The following FHIT variants were observed in gnomAD, a reference collection of about 807,000 sequenced individuals.
The protein encoded by FHIT is bis(5'-adenosyl)-triphosphatase.
Under a neutral mutation model 17.9 loss-of-function variants are expected in FHIT, and 19 were observed. The ratio of observed to expected loss-of-function variants is 1.06; its 90% CI spans 0.74 to 1.56. The LOEUF (loss-of-function observed/expected upper bound fraction) is 1.56, where lower values mean the gene tolerates loss of function less well. Ranked by LOEUF, FHIT falls within the 40% of genes most tolerant of loss-of-function variation. The probability of loss-of-function intolerance (pLI) is 0.00; values close to 1 mark genes in which losing one functional copy is unlikely to be tolerated. For synonymous variants in FHIT, 81 were observed against 69.7 expected (o/e 1.16, Z -0.81); for missense variants, 248 against 189.2 (o/e 1.31, Z -1.82).
At chr3:60,732,035 C>A in intron 4 of FHIT, 1 of 451,516 alleles carries the variant, frequency 2.2e-6, no homozygotes, top group South Asian at 2.7e-5. Context: ...AAGGGAATTG[C>A]AGCGACAATA....
chr3:61,205,675 G>A (rs946362564), intron 1 of FHIT, among the ~76,000 whole-genome samples: 2 of 150,986 alleles, frequency 1.3e-5, no homozygotes, highest in Non-Finnish European at 3.0e-5. Context: ...GGTTGTTTTT[G>A]TCTTGTAAAT....
chr3:60,013,266 G>T (rs2106693550), intron 6 of FHIT, among the ~76,000 whole-genome samples: 1 of 152,280 alleles, frequency 6.6e-6, no homozygotes, highest in South Asian at 2.1e-4. Flanking sequence ...TGAGTACAGA[G>T]TCCTCACATT....
intron 4 of FHIT, among the ~76,000 whole-genome samples, chr3:60,772,963 T>C (rs565752346): frequency 6.6e-6 from 1 of 152,292 alleles, no homozygotes; most frequent in African/African-American, 2.4e-5. Context: ...TAGCCATCCC[T>C]ACGCCTTCGC....
chr3:60,177,634 C>T (rs1166631384), intron 5 of FHIT, among the ~76,000 whole-genome samples: 1 of 152,154 alleles, frequency 6.6e-6, no homozygotes, highest in Non-Finnish European at 1.5e-5. Context: ...TTGTTTTGCA[C>T]TCTGAGATTA....
chr3:60,336,089 T>C (rs1369895863), intron 5 of FHIT, among the ~76,000 whole-genome samples: 1 of 152,158 alleles, frequency 6.6e-6, no homozygotes, highest in Non-Finnish European at 1.5e-5. Flanking sequence ...AGTATTAGCA[T>C]TCAATCATGA....
chr3:61,222,394 A>G (rs2039862990), intron 1 of FHIT, among the ~76,000 whole-genome samples: 2 of 152,186 alleles, frequency 1.3e-5, no homozygotes, highest in African/African-American at 2.4e-5. Flanking sequence ...GCAAGTATTC[A>G]ACAAAATATT....
At chr3:60,480,937 AGTGGGGACTCTGT>A (rs1275635841) in intron 5 of FHIT, among the ~76,000 whole-genome samples, 1 of 152,228 alleles carries the variant, frequency 6.6e-6, no homozygotes, top group South Asian at 2.1e-4. Flanking sequence ...GCAGTGCCCC[AGTGGGGACTCTGT>A]GTGGGGACTC....
intron 5 of FHIT, among the ~76,000 whole-genome samples, chr3:60,432,030 C>T (rs1702928562): frequency 6.6e-6 from 1 of 152,094 alleles, no homozygotes; most frequent in South Asian, 2.1e-4. Context: ...GGCTAGAGTG[C>T]AGTAGCGCAA....
intron 4 of FHIT, among the ~76,000 whole-genome samples, chr3:60,616,643 G>A (rs549073936): frequency 2.5e-4 from 38 of 152,142 alleles, no homozygotes; most frequent in African/African-American, 7.5e-4. Context: ...TCTATATAAG[G>A]AAAACTATAA....
At chr3:60,178,132 T>C (rs1289761217) in intron 5 of FHIT, among the ~76,000 whole-genome samples, 1 of 152,154 alleles carries the variant, frequency 6.6e-6, no homozygotes, top group Non-Finnish European at 1.5e-5. Flanking sequence ...TCAGAAGAAC[T>C]GAGGAGGATA....
chr3:60,162,162 A>G (rs932291505), intron 5 of FHIT, among the ~76,000 whole-genome samples: 5 of 152,184 alleles, frequency 3.3e-5, no homozygotes, highest in African/African-American at 1.2e-4. Flanking sequence ...TGCTATTACT[A>G]TACATAGGAA....
chr3:61,128,786 CTTAA>C (rs975741715), intron 2 of FHIT, among the ~76,000 whole-genome samples: 3 of 148,424 alleles, frequency 2.0e-5, no homozygotes, highest in African/African-American at 7.4e-5. Flanking sequence ...TTTTTTTTTT[CTTAA>C]TTCTCAATGT....
At chr3:60,048,757 G>A (rs1400028011) in intron 5 of FHIT, among the ~76,000 whole-genome samples, 1 of 152,178 alleles carries the variant, frequency 6.6e-6, no homozygotes, top group African/African-American at 2.4e-5. Context: ...AAGGCTTTCA[G>A]GTAAACGTCC....
intron 3 of FHIT, among the ~76,000 whole-genome samples, chr3:60,931,179 A>C (rs1288646717): frequency 1.3e-5 from 2 of 151,130 alleles, no homozygotes; most frequent in Admixed American, 6.6e-5. Context: ...ACACATGGAC[A>C]CAGGAAGGGG....
chr3:61,062,783 C>T (rs1197139200), intron 2 of FHIT, among the ~76,000 whole-genome samples: 2 of 152,014 alleles, frequency 1.3e-5, no homozygotes, highest in African/African-American at 2.4e-5. Context: ...CTTAAAGGAA[C>T]AGAAAAAAAA....
At chr3:61,176,459 T>C (rs2038158824) in intron 2 of FHIT, among the ~76,000 whole-genome samples, 1 of 152,238 alleles carries the variant, frequency 6.6e-6, no homozygotes, top group South Asian at 2.1e-4. Flanking sequence ...TGTTACATTT[T>C]TCTAATGAAT....
At chr3:60,735,573 G>A (rs572919109) in intron 4 of FHIT, among the ~76,000 whole-genome samples, 156 of 152,336 alleles carry the variant, frequency 1.0e-3, no homozygotes, top group Admixed American at 1.9e-3. Flanking sequence ...AACTTTGAGC[G>A]TCTAGCGGCC....
At chr3:59,866,606 G>A (rs1295797758) in intron 8 of FHIT, among the ~76,000 whole-genome samples, 1 of 152,096 alleles carries the variant, frequency 6.6e-6, no homozygotes, top group Admixed American at 6.5e-5. Flanking sequence ...CAGTGAAGAT[G>A]GTGCAAATTA....
chr3:60,244,368 A>G (rs529148269), intron 5 of FHIT, among the ~76,000 whole-genome samples: 1 of 152,160 alleles, frequency 6.6e-6, no homozygotes, highest in East Asian at 1.9e-4. Flanking sequence ...TCACTTTCTA[A>G]AAATAATTTC....
Sources: allele counts gnomAD v4.1 joint callset (sites outside exome capture counted in the v4.1 genomes callset), GRCh38; gene constraint gnomAD v4.1.1; transcripts MANE v1.5; gene names NCBI Gene and HGNC (gene_info 2026-07-23, HGNC 2026-07-21).